The following FANCI variants were observed in gnomAD, a reference collection of about 807,000 sequenced individuals.
FANCI encodes the protein Fanconi anemia group I protein.
A neutral mutation model predicts 176.1 loss-of-function variants in FANCI; 156 were observed. The ratio of observed to expected loss-of-function variants is 0.89; its 90% confidence interval spans 0.78 to 1.01. The LOEUF (loss-of-function observed/expected upper bound fraction) is 1.01. FANCI is among the 50% of genes least tolerant of loss of function. FANCI has a pLI of 0.00. For synonymous variants in FANCI, 613 were observed against 541.7 expected (o/e 1.13, Z -1.83); for missense variants, 1,678 against 1,534.1 (o/e 1.09, Z -1.57).
At chr15:89,298,606 A>G (rs2054403550) in intron 24 of FANCI, among the ~76,000 whole-genome samples, 2 of 152,322 alleles carry the variant, frequency 1.3e-5, no homozygotes, top group African/African-American at 2.4e-5. Context: ...GGAAGGAAAT[A>G]GACAAAAGCA....
intron 9 of FANCI, 142 bp downstream of exon 9, chr15:89,264,749 G>A (rs548883287): frequency 3.1e-6 from 2 of 650,006 alleles, no homozygotes; most frequent in East Asian, 3.1e-5. Context: ...TAGCTACTCA[G>A]TAATAAAGAG....
Position 89,264,005 on chromosome 15 carries a change from G to C in FANCI, c.648G>C (p.Gln216His). ...NLQEIPPLVY[Q>H]LLVLSSKGSR... ...AAGAAATACCACCTTTGGTCTATCA[G>C]CTTCTGGTTCTCTCCTCCAAGGTAC... The change falls in exon 8 of 38, where the codon CAG becomes CAC. Residue 216 changes from glutamine (Q) to histidine (H), a missense_variant. Gln to His is a conservative substitution (Grantham distance 24). Transcript: ENST00000310775. 6.2e-7 allele frequency: 1 copy of C among 1,614,046 alleles called. No individual in the cohort carries two copies. Among genetic ancestry groups the C allele is most frequent in the South Asian group, 1.1e-5 (1 of 91,076 alleles).
chr15:89,258,210 G>C (rs759635637), intron 2 of FANCI, among the ~76,000 whole-genome samples: 2 of 151,986 alleles, frequency 1.3e-5, no homozygotes, highest in Non-Finnish European at 2.9e-5. Context: ...TGTCCGCCAG[G>C]TCTCTACTTA....
intron 2 of FANCI, among the ~76,000 whole-genome samples, chr15:89,254,980 A>G (rs1473236625): frequency 6.6e-6 from 1 of 152,210 alleles, no homozygotes; most frequent in African/African-American, 2.4e-5. Flanking sequence ...TTGATACGAT[A>G]CAATTAATGA....
At chr15:89,258,553 C>A in intron 2 of FANCI, 151 bp from the exon 3 acceptor site, 1 of 721,796 alleles carries the variant, frequency 1.4e-6, no homozygotes, top group Non-Finnish European at 2.5e-6. Flanking sequence ...TTAAGATATA[C>A]CCTCCTCTGT....
At chr15:89,274,091 T>G in intron 11 of FANCI, 77 bp from the exon 12 acceptor site, 1 of 1,155,022 alleles carries the variant, frequency 8.7e-7, no homozygotes, top group African/African-American at 1.6e-5. Context: ...CTTTATTTTC[T>G]TATTTCTTTC....
At chr15:89,252,299 TAAAA>T (rs765131815) in intron 2 of FANCI, among the ~76,000 whole-genome samples, 1 of 130,112 alleles carries the variant, frequency 7.7e-6, no homozygotes, top group African/African-American at 2.8e-5. Context: ...AGATTCCATC[TAAAA>T]AAAAAAAAAA....
intron 22 of FANCI, 55 bp from the exon 23 acceptor site, chr15:89,293,778 T>G: frequency 6.5e-7 from 1 of 1,535,638 alleles, no homozygotes; most frequent in Non-Finnish European, 9.0e-7. Context: ...TATGTAAAAG[T>G]AAACCACAAT....
At chr15:89,262,318 G>C (rs1168477576) in intron 6 of FANCI, among the ~76,000 whole-genome samples, 2 of 151,642 alleles carry the variant, frequency 1.3e-5, no homozygotes, top group African/African-American at 2.4e-5. Context: ...GTATTTCTGG[G>C]AATCTACATT....
chr15:89,311,636 C>T (rs979465279), intron 34 of FANCI, among the ~76,000 whole-genome samples: 8 of 152,328 alleles, frequency 5.3e-5, no homozygotes, highest in African/African-American at 1.7e-4. Context: ...ATGCTCTACC[C>T]TGCCTTCCAG....
intron 2 of FANCI, among the ~76,000 whole-genome samples, chr15:89,252,898 T>G (rs2052323167): frequency 1.3e-5 from 2 of 152,216 alleles, no homozygotes; most frequent in African/African-American, 4.8e-5. Context: ...CCAAAGTTAA[T>G]TTATCAATTT....
chr15:89,261,392 G>C (rs2052706497), intron 4 of FANCI, among the ~76,000 whole-genome samples, 193 bp from the exon 5 acceptor site: 1 of 152,198 alleles, frequency 6.6e-6, no homozygotes, highest in African/African-American at 2.4e-5. Context: ...ACCGATACAG[G>C]ATTCTAACTT....
chr15:89,289,599 T>C (rs2151680359), intron 18 of FANCI, among the ~76,000 whole-genome samples: 1 of 152,066 alleles, frequency 6.6e-6, no homozygotes, highest in East Asian at 1.9e-4. Flanking sequence ...AGCCACCGTG[T>C]CTGGCCTGTT....
intron 32 of FANCI, 78 bp from the exon 33 acceptor site, chr15:89,307,398 C>T (rs1166252515): frequency 2.2e-6 from 3 of 1,379,356 alleles, no homozygotes; most frequent in Non-Finnish European, 3.1e-6. Context: ...TGATGAGTCA[C>T]ACTCCATAGG....
intron 22 of FANCI, among the ~76,000 whole-genome samples, chr15:89,293,498 C>G (rs969410335): frequency 6.6e-6 from 1 of 152,080 alleles, no homozygotes; most frequent in Non-Finnish European, 1.5e-5. Flanking sequence ...ACCAGCCTGG[C>G]CAACATGGTG....
chr15:89,295,366 G>GAAAAAAAAAAAAAAAAAA (rs373941070), intron 24 of FANCI, among the ~76,000 whole-genome samples: 1 of 96,304 alleles, frequency 1.0e-5, no homozygotes, highest in Non-Finnish European at 2.1e-5. Context: ...ACTCTCAAAA[G>GAAAAAAAAAAAAAAAAAA]AAAAAAAAAA....
intron 24 of FANCI, among the ~76,000 whole-genome samples, chr15:89,298,536 T>C (rs956712928): frequency 3.3e-5 from 5 of 152,164 alleles, no homozygotes; most frequent in Admixed American, 2.6e-4. Context: ...ATCTCCCATA[T>C]AAACTTCCAC....
chr15:89,301,830 T>G lies in FANCI; in HGVS notation c.3006+388T>G, dbSNP rs375222788. Among the ~76,000 whole-genome samples the G allele has an allele frequency of 1.2e-4, 19 of 152,332 alleles. No homozygotes were observed. In the South Asian group the frequency reaches 3.9e-3, roughly 32 times the overall value. ...TAATTATGAAGAAGGCAGTTGACATTCAGCAGTTGACTTTCTCAGCACAGT... is the reference window on the plus strand; with the variant it reads ...TAATTATGAAGAAGGCAGTTGACATGCAGCAGTTGACTTTCTCAGCACAGT... On this transcript the variant is annotated intron_variant, in intron 27 of 37. Transcript: ENST00000310775.
chr15:89,289,951 CACAGTGCTGGGATT>C, intron 18 of FANCI, among the ~76,000 whole-genome samples: 1 of 152,160 alleles, frequency 6.6e-6, no homozygotes, highest in Non-Finnish European at 1.5e-5. Context: ...CTCAGCCTCC[CACAGTGCTGGGATT>C]ACAGGTGTGA....
Sources: allele counts gnomAD v4.1 joint callset (sites outside exome capture counted in the v4.1 genomes callset), GRCh38; gene constraint gnomAD v4.1.1; transcripts MANE v1.5; gene names NCBI Gene and HGNC (gene_info 2026-07-23, HGNC 2026-07-21).